The following RNF217 variants were observed in gnomAD, a reference collection of about 807,000 sequenced individuals.
RNF217 encodes the protein ring finger protein 217, also known as E3 ubiquitin-protein ligase RNF217.
A neutral mutation model predicts 57.8 loss-of-function variants in RNF217; 31 were observed. The observed-to-expected ratio is 0.54, with a 90% CI of 0.40 to 0.72. The LOEUF is 0.72. RNF217 is among the 30% of genes least tolerant of loss of function. The probability of loss-of-function intolerance (pLI) is 0.00; values close to 1 mark genes in which losing one functional copy is unlikely to be tolerated. For missense variants in RNF217, 696 were observed against 708.3 expected, an observed-to-expected ratio of 0.98 and a Z score of 0.20; for synonymous variants, 313 against 294.0, an observed-to-expected ratio of 1.06 and a Z score of -0.66.
chr6:125,082,566 G>A, intron 5 of RNF217: 1 of 1,609,618 alleles, frequency 6.2e-7, no homozygotes, highest in Non-Finnish European at 8.5e-7. Context: ...AAACAAGTGT[G>A]AGTATCATAG....
chr6:125,084,532 T>C lies in RNF217; in HGVS notation c.*1595T>C, dbSNP rs924241750. On this transcript the variant is annotated 3_prime_UTR_variant, in exon 6 of 6. Transcript: ENST00000521654. ...GTCTGATTTGAAATAGATGATATGATAAAACATGCATTAACATGAGTAGTT... is the reference window on the plus strand; with the variant it reads ...GTCTGATTTGAAATAGATGATATGACAAAACATGCATTAACATGAGTAGTT... 6.6e-6 allele frequency: 1 copy of C among 152,002 alleles called. No homozygotes were observed. Among genetic ancestry groups the C allele is most frequent in the Non-Finnish European group, 1.5e-5 (1 of 67,898 alleles). 9.4% of individuals were successfully genotyped at this position (152,002 alleles called of 1,614,324 possible). A position where few individuals can be genotyped will look rare whatever the true frequency, so the allele number is the denominator to read the frequency against.
intron 1 of RNF217, chr6:125,009,361 A>C (rs1785329121): frequency 2.2e-6 from 2 of 921,290 alleles, no homozygotes; most frequent in African/African-American, 3.3e-5. Flanking sequence ...CCTCCTGTGA[A>C]GCCCTCTCAC....
chr6:125,060,929 G>A (rs1264271777), intron 3 of RNF217, among the ~76,000 whole-genome samples: 4 of 152,090 alleles, frequency 2.6e-5, no homozygotes, highest in Non-Finnish European at 1.5e-5. Context: ...TAGTTGTGAT[G>A]TTCAAATAAT....
chr6:125,007,400 C>T (rs941834772), intron 1 of RNF217, among the ~76,000 whole-genome samples: 4 of 151,806 alleles, frequency 2.6e-5, no homozygotes, highest in African/African-American at 9.7e-5. Flanking sequence ...CATGCGCCAC[C>T]AAGCCCGGCT....
intron 1 of RNF217, among the ~76,000 whole-genome samples, chr6:125,024,776 G>A (rs971408609): frequency 9.2e-5 from 14 of 151,538 alleles, no homozygotes; most frequent in African/African-American, 2.7e-4. Context: ...GGGAAGTGAT[G>A]AGTTTGTTTT....
At position 125,041,414 on chromosome 6, in the gene RNF217, A is replaced by T. The variant is rs144610844; in HGVS notation, c.883-3797A>T. Among the ~76,000 whole-genome samples, 14 of 152,224 alleles carry T rather than the reference A, an allele frequency of 9.2e-5. No homozygotes were observed. The East Asian group carries it at 2.7e-3, about 29-fold the overall frequency. ...GCATGTCAGTCCTCCTCATAAAACC[A>T]GTGATTTGTATTGTCTTTATATAAT... is the stretch of plus-strand genomic sequence containing the variant. On this transcript the variant is annotated intron_variant, in intron 1 of 5. Transcript: ENST00000521654.
chr6:125,045,991 C>T (rs1483967419), intron 2 of RNF217, among the ~76,000 whole-genome samples: 2 of 151,894 alleles, frequency 1.3e-5, no homozygotes, highest in Non-Finnish European at 2.9e-5. Flanking sequence ...AAATGACAGT[C>T]CAATATGATT....
intron 1 of RNF217, among the ~76,000 whole-genome samples, chr6:125,004,744 C>T (rs777159278): frequency 2.6e-5 from 4 of 152,076 alleles, no homozygotes; most frequent in Admixed American, 6.6e-5. Context: ...AACCACAGCT[C>T]GTGTGTAATT....
chr6:124,977,439 A>G (rs904312578), intron 1 of RNF217, among the ~76,000 whole-genome samples: 7 of 142,228 alleles, frequency 4.9e-5, no homozygotes, highest in Non-Finnish European at 1.1e-4. Context: ...AACAAAGATT[A>G]TAAAATAATG....
intron 3 of RNF217, among the ~76,000 whole-genome samples, chr6:125,062,098 A>T (rs1456866019): frequency 2.6e-5 from 4 of 152,076 alleles, no homozygotes; most frequent in African/African-American, 9.7e-5. Context: ...TTTAAAGAAA[A>T]TTCTGTACTT....
intron 2 of RNF217, among the ~76,000 whole-genome samples, chr6:125,049,932 T>C (rs1342528444): frequency 6.6e-6 from 1 of 151,794 alleles, no homozygotes; most frequent in Non-Finnish European, 1.5e-5. Flanking sequence ...CTTTAGGGCA[T>C]CAAAGAGATG....
intron 1 of RNF217, chr6:125,009,221 C>G: frequency 6.2e-7 from 1 of 1,602,812 alleles, no homozygotes; most frequent in Non-Finnish European, 8.5e-7. Context: ...AGAATCAAAG[C>G]TGTTGTATAA....
Position 125,085,864 on chromosome 6 carries a change from CTT to C in RNF217, c.*2929_*2930del, listed in dbSNP as rs1012939068. On this transcript the variant is annotated 3_prime_UTR_variant, in exon 6 of 6. Coordinates refer to ENST00000521654, the MANE Select transcript of RNF217 (RefSeq NM_001286398.3). ...AAAATATTCTTACTGTGCTGTGACT[CTT>C]TGTCATTTTATTATATATTAATAGA... 2 of 149,036 alleles carry C rather than the reference CTT, an allele frequency of 1.3e-5. No individual in the cohort carries two copies. The highest frequency in any genetic ancestry group is 6.6e-5 in the Admixed American group (1 of 15,112). The allele number at this position is 149,036 out of a possible 1,614,324, so 9.2% of individuals were successfully genotyped here.
chr6:125,048,700 G>A (rs1787191200), intron 2 of RNF217, among the ~76,000 whole-genome samples: 1 of 151,910 alleles, frequency 6.6e-6, no homozygotes, highest in Admixed American at 6.6e-5. Flanking sequence ...CATATATGGG[G>A]GTTTTAATTT....
Position 125,090,032 on chromosome 6 carries a change from C to G in RNF217, c.*7095C>G, listed in dbSNP as rs774399881. 1 of 151,922 alleles carries G rather than the reference C, an allele frequency of 6.6e-6. No individual in the cohort carries two copies. The highest frequency in any genetic ancestry group is 6.6e-5 in the Admixed American group (1 of 15,232). 9.4% of individuals were successfully genotyped at this position (151,922 alleles called of 1,614,324 possible). On this transcript the variant is annotated 3_prime_UTR_variant, in exon 6 of 6. Coordinates refer to ENST00000521654, the MANE Select transcript of RNF217 (RefSeq NM_001286398.3). ...GCTGACAAGAAACCCTTCTAAGACC[C>G]ATTTTTTTAAGTGTCATATGGCAAC...
rs80073034 is a variant in RNF217 at position 125,066,277 on chromosome 6, A to T, written c.1281+8171A>T. ...TGTTAAACATAACGCAGATTACATC[A>T]CTCTGCTCAAAATTGTCTGTGGTTC... On this transcript the variant is annotated intron_variant, in intron 3 of 5. Transcript: ENST00000521654. 2.6e-5 allele frequency among the ~76,000 whole-genome samples: 4 copies of T among 152,244 alleles called. No individual in the cohort carries two copies. In the East Asian group the frequency reaches 7.7e-4, roughly 29 times the overall value.
intron 1 of RNF217, among the ~76,000 whole-genome samples, chr6:124,969,516 C>A (rs554431747): frequency 6.6e-6 from 1 of 152,246 alleles, no homozygotes; most frequent in Non-Finnish European, 1.5e-5. Context: ...CTATTTGCCC[C>A]ACCAATTTTG....
intron 1 of RNF217, among the ~76,000 whole-genome samples, chr6:124,993,138 T>C (rs1784625056): frequency 6.6e-6 from 1 of 152,210 alleles, no homozygotes; most frequent in Non-Finnish European, 1.5e-5. Context: ...TGGTCTCTAC[T>C]GCTGGCCAGT....
chr6:125,008,246 ACT>A (rs1785267733), intron 1 of RNF217, among the ~76,000 whole-genome samples: 1 of 148,074 alleles, frequency 6.8e-6, no homozygotes, highest in East Asian at 2.0e-4. Context: ...ACAGAATAAG[ACT>A]CTGTCTCAAA....
Sources: allele counts gnomAD v4.1 joint callset (sites outside exome capture counted in the v4.1 genomes callset), GRCh38; gene constraint gnomAD v4.1.1; transcripts MANE v1.5; gene names NCBI Gene and HGNC (gene_info 2026-07-23, HGNC 2026-07-21).